Variants in LRCH2 observed in about 807,000 individuals in gnomAD.
LRCH2 encodes leucine-rich repeat and calponin homology domain-containing protein 2.
In LRCH2, 38 loss-of-function variants were observed where a neutral mutation model predicts 68.9. The observed-to-expected ratio is 0.55, with a 90% CI of 0.43 to 0.72. The LOEUF (loss-of-function observed/expected upper bound fraction) is 0.72. Among genes scored for constraint, LRCH2 ranks in the 30% least tolerant of loss-of-function variants. The pLI, the probability that LRCH2 is intolerant of heterozygous loss-of-function variation, is 0.00. For synonymous variants in LRCH2, 191 were observed against 208.1 expected (o/e 0.92, Z 0.71); for missense variants, 528 against 572.9 (o/e 0.92, Z 0.80).
chrX:115,162,310 T>C (rs1603049823), intron 11 of LRCH2, among the ~76,000 whole-genome samples: 2 of 111,984 alleles, frequency 1.8e-5, no homozygotes, highest in Admixed American at 1.9e-4. Context: ...AGAAACTTTT[T>C]AAGCTCCACA....
rs782610346 is a variant in LRCH2 at position 115,190,159 on chromosome X, C to T, written c.350-1789G>A. Reference sequence around the variant, plus strand: ...AGATGGCTACTCAGGCCCGCGGGTCCGGGAGCCACTGCCCCCGTGCCGCGA... The same window carrying T: ...AGATGGCTACTCAGGCCCGCGGGTCTGGGAGCCACTGCCCCCGTGCCGCGA... On this transcript the variant is annotated intron_variant, in intron 1 of 20. Coordinates refer to ENST00000317135, the MANE Select transcript of LRCH2 (RefSeq NM_020871.4). 11 of 1,163,948 alleles carry T rather than the reference C, an allele frequency of 9.5e-6. No homozygotes were observed. In the East Asian group the frequency reaches 9.8e-5, roughly 10 times the overall value.
At chrX:115,193,158 T>A (rs1423535768) in intron 1 of LRCH2, among the ~76,000 whole-genome samples, 5 of 110,971 alleles carry the variant, frequency 4.5e-5, no homozygotes, top group African/African-American at 1.6e-4. Context: ...ACAACAAAAA[T>A]GATTTAGATC....
chrX:115,211,761 A>C (rs56004841), intron 1 of LRCH2, among the ~76,000 whole-genome samples: 10,572 of 108,563 alleles, frequency 0.097, 585 homozygotes, highest in Non-Finnish European at 0.15. Context: ...ACATCCACAC[A>C]CCCCCCCAAG....
chrX:115,122,448 A>C, intron 20 of LRCH2, 79 bp downstream of exon 20: 1 of 800,345 alleles, frequency 1.2e-6, no homozygotes, highest in Non-Finnish European at 1.8e-6. Flanking sequence ...AGCATTATTC[A>C]TTGCTCTAAG....
At chrX:115,162,195 A>T (rs2072525174) in intron 11 of LRCH2, among the ~76,000 whole-genome samples, 1 of 111,103 alleles carries the variant, frequency 9.0e-6, no homozygotes, top group African/African-American at 3.3e-5. Flanking sequence ...TACTGGGATT[A>T]CAGGCATAAA....
At chrX:115,179,619 T>C in intron 4 of LRCH2, 27 bp downstream of exon 4, 1 of 1,104,357 alleles carries the variant, frequency 9.1e-7, no homozygotes, top group African/African-American at 1.9e-5. Context: ...CTCTTATTCA[T>C]GTGAGTAAAA....
chrX:115,140,018 C>T (rs2072322935), intron 14 of LRCH2, among the ~76,000 whole-genome samples: 1 of 111,344 alleles, frequency 9.0e-6, no homozygotes, highest in African/African-American at 3.3e-5. Flanking sequence ...GAGACACCAG[C>T]AGGGGTGGCT....
intron 11 of LRCH2, among the ~76,000 whole-genome samples, chrX:115,163,410 G>T (rs2072534612): frequency 9.0e-6 from 1 of 111,383 alleles, no homozygotes; most frequent in Non-Finnish European, 1.9e-5. Context: ...AGTACATTCT[G>T]TTAGTTGTAA....
chrX:115,189,459 C>A, intron 1 of LRCH2: 1 of 1,174,818 alleles, frequency 8.5e-7, no homozygotes, highest in Admixed American at 2.5e-5. Flanking sequence ...AAGCGGATCG[C>A]CCAGAGAAGC....
At chrX:115,198,870 A>G (rs1444479625) in intron 1 of LRCH2, 1 of 112,130 alleles carries the variant, frequency 8.9e-6, no homozygotes, top group Non-Finnish European at 1.9e-5. Flanking sequence ...TTAGACTAAC[A>G]TGAGACTTCT....
intron 14 of LRCH2, among the ~76,000 whole-genome samples, chrX:115,133,019 TGAA>T (rs1271128876): frequency 2.7e-5 from 3 of 111,150 alleles, no homozygotes; most frequent in Admixed American, 9.6e-5. Context: ...AAGTCAAAAT[TGAA>T]GAAGACAAAA....
intron 14 of LRCH2, among the ~76,000 whole-genome samples, chrX:115,143,614 T>C (rs1014658887): frequency 9.0e-6 from 1 of 111,577 alleles, no homozygotes; most frequent in African/African-American, 3.3e-5. Flanking sequence ...GAGGGAATAC[T>C]GGCAAACTGA....
intron 1 of LRCH2, among the ~76,000 whole-genome samples, chrX:115,223,319 A>G (rs924936264): frequency 2.7e-5 from 3 of 112,008 alleles, no homozygotes; most frequent in African/African-American, 9.7e-5. Flanking sequence ...CACAAGCAAC[A>G]TAAGAAAATA....
intron 6 of LRCH2, among the ~76,000 whole-genome samples, chrX:115,169,416 G>A (rs1301988387): frequency 9.0e-6 from 1 of 111,297 alleles, no homozygotes; most frequent in Non-Finnish European, 1.9e-5. Flanking sequence ...CCAATTTTTG[G>A]AGCCTTGTTT....
At chrX:115,132,462 G>A (rs1336254395) in intron 14 of LRCH2, among the ~76,000 whole-genome samples, 4 of 111,459 alleles carry the variant, frequency 3.6e-5, no homozygotes, top group African/African-American at 6.5e-5. Context: ...CTTTACATAC[G>A]CAGCATTATC....
At position 115,155,750 on chromosome X, in the gene LRCH2, G is replaced by A. The variant is rs138160140; in HGVS notation, c.1529+852C>T. Among the ~76,000 whole-genome samples the A allele has an allele frequency of 5.8e-3, 652 of 111,573 alleles. 15 individuals are homozygous for A. Among genetic ancestry groups the A allele is most frequent in the Non-Finnish European group, 7.6e-3 (402 of 53,081 alleles). On this transcript the variant is annotated intron_variant, in intron 12 of 20. Coordinates refer to ENST00000317135, the MANE Select transcript of LRCH2 (RefSeq NM_020871.4). The stretch of plus-strand genomic sequence containing the variant: ...TTATTATTTGTGTTTTATAGAAGGG[G>A]TAAATGTGGCTCAGAGTAAGCTAAA...
rs782641205 is a variant in LRCH2, at chrX:115,132,093, C to T, written c.1696-1894G>A. Among the ~76,000 whole-genome samples, 3 of 111,632 alleles carry T rather than the reference C, an allele frequency of 2.7e-5. No homozygotes were observed. In the South Asian group the frequency reaches 1.1e-3, roughly 42 times the overall value. On this transcript the variant is annotated intron_variant, in intron 14 of 20. Coordinates refer to ENST00000317135, the MANE Select transcript of LRCH2 (RefSeq NM_020871.4). ...TGTGCAGAAGCTCTTTAATTAGATC[C>T]CATTTGTCAATTTTGGCTTTCGTTG...
intron 14 of LRCH2, among the ~76,000 whole-genome samples, chrX:115,131,250 TC>T (rs1279741017): frequency 3.6e-4 from 28 of 78,132 alleles, no homozygotes; most frequent in South Asian, 5.9e-4. Flanking sequence ...ATGCAATCCC[TC>T]CCCCCCCCTC....
At chrX:115,183,135 T>C (rs2072706884) in intron 3 of LRCH2, among the ~76,000 whole-genome samples, 1 of 111,074 alleles carries the variant, frequency 9.0e-6, no homozygotes, top group African/African-American at 3.3e-5. Context: ...CAGGGATTCC[T>C]ACATTAGAAA....
Sources: gnomAD v4.1 joint callset for allele counts (sites outside exome capture counted in the v4.1 genomes callset) on GRCh38, gnomAD v4.1.1 for gene constraint, MANE v1.5 for transcripts, NCBI Gene and HGNC (gene_info 2026-07-23, HGNC 2026-07-21) for gene names.